The following ACTR3C variants were observed in gnomAD, a reference collection of about 807,000 sequenced individuals.
ACTR3C encodes actin-related protein 3C.
Under a neutral mutation model 26.3 loss-of-function variants are expected in ACTR3C, and 18 were observed. The observed-to-expected ratio is 0.68, with a 90% CI of 0.47 to 1.01. The LOEUF is 1.01. ACTR3C is among the 50% of genes least tolerant of loss of function. The pLI is 0.00. For synonymous variants in ACTR3C, 55 were observed against 94.5 expected, an observed-to-expected ratio of 0.58 and a Z score of 2.42; for missense variants, 184 against 250.7, an observed-to-expected ratio of 0.73 and a Z score of 1.80.
At chr7:149,905,293 C>G in the ACTR3C span, among the ~76,000 whole-genome samples, 1 of 152,038 alleles carries the variant, frequency 6.6e-6, no homozygotes, top group African/African-American at 2.4e-5. Flanking sequence ...TAAATGGTAC[C>G]TCCATATGAT....
chr7:150,112,809 G>A, the ACTR3C span, among the ~76,000 whole-genome samples: 1 of 152,086 alleles, frequency 6.6e-6, no homozygotes, highest in Non-Finnish European at 1.5e-5. Context: ...TTCAGGTCCT[G>A]GTGCCCCAAT....
At chr7:149,887,548 A>G in the ACTR3C span, among the ~76,000 whole-genome samples, 2 of 152,228 alleles carry the variant, frequency 1.3e-5, no homozygotes, top group Non-Finnish European at 2.9e-5. Flanking sequence ...AGGAGTTGGT[A>G]TATAAACTGG....
the ACTR3C span, among the ~76,000 whole-genome samples, chr7:150,217,187 T>G: frequency 6.8e-6 from 1 of 146,824 alleles, no homozygotes. Context: ...ACTCTTACCA[T>G]GAAGGTCCTA....
chr7:150,218,321 C>G, the ACTR3C span, among the ~76,000 whole-genome samples: 17 of 152,350 alleles, frequency 1.1e-4, no homozygotes, highest in Non-Finnish European at 2.4e-4. Context: ...AAGCTGCAAA[C>G]TTTGCAGGCA....
the ACTR3C span, among the ~76,000 whole-genome samples, chr7:149,925,263 G>A: frequency 2.6e-5 from 4 of 152,126 alleles, no homozygotes; most frequent in African/African-American, 7.2e-5. Context: ...GGAAGACTCA[G>A]TATTATAAAG....
Position 150,286,450 on chromosome 7 carries a change from T to A in ACTR3C, c.388A>T (p.Ile130Phe). The A allele has an allele frequency of 2.5e-6, 4 of 1,613,256 alleles. No individual in the cohort carries two copies. Among genetic ancestry groups the A allele is most frequent in the Non-Finnish European group, 3.4e-6 (4 of 1,179,970 alleles). Residue 130 changes from isoleucine to phenylalanine, a missense_variant, in exon 5 of 8, where the codon ATC (isoleucine) becomes TTC (phenylalanine). Coordinates refer to ENST00000683684, the MANE Select transcript of ACTR3C (RefSeq NM_001164458.2). ...AACTTCTTCTGGTTGATCGCATTGATACCCGTGTACTGTTTGATCCACTTC... is the reference window on the plus strand; with the variant it reads ...AACTTCTTCTGGTTGATCGCATTGAAACCCGTGTACTGTTTGATCCACTTC... ...PQKWIKQYTG[I>F]NAINQKKFVI...
At chr7:150,071,269 G>A in the ACTR3C span, among the ~76,000 whole-genome samples, 15 of 151,176 alleles carry the variant, frequency 9.9e-5, no homozygotes, top group African/African-American at 3.4e-4. Context: ...GACTACAGGC[G>A]CCCGCCACCG....
the ACTR3C span, among the ~76,000 whole-genome samples, chr7:150,007,709 C>CGT: frequency 6.6e-6 from 1 of 151,480 alleles, no homozygotes; most frequent in East Asian, 1.9e-4. Flanking sequence ...GTCAGTCAGT[C>CGT]GTGTGTGTGG....
the ACTR3C span, among the ~76,000 whole-genome samples, chr7:150,221,155 G>T: frequency 6.6e-6 from 1 of 152,266 alleles, no homozygotes; most frequent in African/African-American, 2.4e-5. Context: ...GCGGAGGCCC[G>T]GTCGGTGCCA....
At chr7:150,307,426 A>T (rs982088596) in intron 1 of ACTR3C, among the ~76,000 whole-genome samples, 1 of 152,264 alleles carries the variant, frequency 6.6e-6, no homozygotes, top group African/African-American at 2.4e-5. Context: ...TCCCTGCCCT[A>T]CCTTAACTGA....
intron 1 of ACTR3C, among the ~76,000 whole-genome samples, chr7:150,302,064 T>C (rs1037747550): frequency 6.6e-6 from 1 of 151,906 alleles, no homozygotes; most frequent in East Asian, 1.9e-4. Flanking sequence ...ACAAAGTTCA[T>C]AGAAATCACA....
At chr7:150,072,544 C>T in the ACTR3C span, among the ~76,000 whole-genome samples, 22 of 143,928 alleles carry the variant, frequency 1.5e-4, no homozygotes, top group African/African-American at 4.5e-4. Context: ...CACAGCCATG[C>T]GAGGGTGGGG....
At chr7:150,129,579 A>G in the ACTR3C span, among the ~76,000 whole-genome samples, 1 of 152,232 alleles carries the variant, frequency 6.6e-6, no homozygotes, top group Non-Finnish European at 1.5e-5. Flanking sequence ...AATAAATAAT[A>G]TTTCTGTATA....
At chr7:150,213,984 C>G in the ACTR3C span, among the ~76,000 whole-genome samples, 47 of 145,542 alleles carry the variant, frequency 3.2e-4, no homozygotes, top group African/African-American at 1.2e-3. Context: ...GAAAACTAGG[C>G]AGCCTCCAAA....
the ACTR3C span, among the ~76,000 whole-genome samples, chr7:150,137,088 T>C: frequency 6.6e-6 from 1 of 152,324 alleles, no homozygotes; most frequent in Non-Finnish European, 1.5e-5. Flanking sequence ...TGGGCAGTCA[T>C]GCTCACTCAC....
the ACTR3C span, among the ~76,000 whole-genome samples, chr7:150,034,455 C>A: frequency 6.6e-6 from 1 of 151,254 alleles, no homozygotes; most frequent in African/African-American, 2.4e-5. Flanking sequence ...TTGGGATCCC[C>A]ATTTCAAAAC....
chr7:150,108,559 T>C, the ACTR3C span, among the ~76,000 whole-genome samples: 1 of 149,142 alleles, frequency 6.7e-6, no homozygotes, highest in Non-Finnish European at 1.5e-5. Flanking sequence ...AATGCAACAG[T>C]GTTTGGGGGG....
At chr7:149,912,953 A>T in the ACTR3C span, among the ~76,000 whole-genome samples, 1 of 152,244 alleles carries the variant, frequency 6.6e-6, no homozygotes, top group Non-Finnish European at 1.5e-5. Flanking sequence ...TTCCTTATAT[A>T]TTAATAGTAT....
the ACTR3C span, among the ~76,000 whole-genome samples, chr7:150,137,446 T>A: frequency 6.6e-6 from 1 of 152,234 alleles, no homozygotes; most frequent in South Asian, 2.1e-4. Context: ...AAGCTCCTTA[T>A]GAGCGTGGCC....
Sources: gnomAD v4.1 joint callset for allele counts (sites outside exome capture counted in the v4.1 genomes callset) on GRCh38, gnomAD v4.1.1 for gene constraint, MANE v1.5 for transcripts, NCBI Gene and HGNC (gene_info 2026-07-23, HGNC 2026-07-21) for gene names.